WLS: variants seen among roughly 807,000 people sequenced by gnomAD.
WLS encodes protein wntless homolog.
A neutral mutation model predicts 62.8 loss-of-function variants in WLS; 23 were observed. The ratio of observed to expected loss-of-function variants is 0.37; its 90% CI spans 0.26 to 0.52. WLS has a LOEUF of 0.52. Ranked by LOEUF, WLS falls within the 20% of genes least tolerant of loss-of-function variation. WLS has a pLI of 0.92. For synonymous variants in WLS, 246 were observed against 244.1 expected (o/e 1.01, Z -0.07); for missense variants, 615 against 697.3 (o/e 0.88, Z 1.33).
rs33982774 is a variant in WLS, at chr1:68,118,875, CAAAAAAAAAAAA to C, written c.1510+18893_1510+18904del. Among the ~76,000 whole-genome samples, 42 of 26,394 alleles carry C rather than the reference CAAAAAAAAAAAA, an allele frequency of 1.6e-3. 1 individual carries two copies. The East Asian group carries it at 0.084, about 53-fold the overall frequency. The allele number at this position is 26,394 out of a possible 152,430, so 17.3% of individuals were successfully genotyped here. A position where few individuals can be genotyped will look rare whatever the true frequency, so the allele number is the denominator to read the frequency against. On this transcript the variant is annotated intron_variant, in intron 11 of 11. Transcript: ENST00000354777. ...CTGGGTGACGAGCAAGACTCTGTCT[CAAAAAAAAAAAA>C]AAAAAAAAAAAAAAAGCACCTGGCC...
At chr1:68,231,541 T>TCCCAC (rs1441575750) in intron 1 of WLS, 1 of 292,164 alleles carries the variant, frequency 3.4e-6, no homozygotes, top group African/African-American at 2.3e-5. Context: ...AAGGACTCCC[T>TCCCAC]CCCACCCCAC....
rs541185896 is a variant in WLS, at chr1:68,171,483, C to A, written c.380-12236G>T. 4.3e-3 allele frequency among the ~76,000 whole-genome samples: 651 copies of A among 152,076 alleles called. 8 individuals carry two copies. Among genetic ancestry groups the A allele is most frequent in the African/African-American group, 0.015 (626 of 41,476 alleles). On this transcript the variant is annotated intron_variant, in intron 2 of 11. Coordinates refer to ENST00000262348, the MANE Select transcript of WLS (RefSeq NM_024911.7). ...ATTTACAAGAAAAAAAAACAAAAAA[C>A]CCCATCAAAAAGTGGGTGAAGGATA...
At chr1:68,131,619 GAGA>G (rs1646526335) in intron 11 of WLS, among the ~76,000 whole-genome samples, 1 of 152,114 alleles carries the variant, frequency 6.6e-6, no homozygotes, top group African/African-American at 2.4e-5. Flanking sequence ...CTGCAAGTGG[GAGA>G]AGAACACAAT....
At chr1:68,157,326 C>A (rs12090994) in intron 3 of WLS, among the ~76,000 whole-genome samples, 5,945 of 152,320 alleles carry the variant, frequency 0.039, 140 homozygotes, top group Middle Eastern at 0.095. Context: ...ACACCCTTGA[C>A]ACAAATTTAC....
chr1:68,231,909 C>G (rs1650445808), intron 1 of WLS: 1 of 486,610 alleles, frequency 2.1e-6, no homozygotes, highest in African/African-American at 2.0e-5. Flanking sequence ...CTTCCTCGCG[C>G]GATCCGTCGC....
intron 2 of WLS, among the ~76,000 whole-genome samples, chr1:68,189,138 G>A (rs778944848): frequency 6.6e-6 from 1 of 152,162 alleles, no homozygotes; most frequent in South Asian, 2.1e-4. Context: ...CCCTGCTCCT[G>A]CCTGTTAGTC....
chr1:68,127,217 CA>C (rs1320918704), intron 11 of WLS: 1 of 228,810 alleles, frequency 4.4e-6, no homozygotes, highest in Non-Finnish European at 9.1e-6. Flanking sequence ...AAATAAACTA[CA>C]AAGCATCTAT....
At chr1:68,168,799 A>G (rs1044080035) in intron 2 of WLS, among the ~76,000 whole-genome samples, 1 of 152,122 alleles carries the variant, frequency 6.6e-6, no homozygotes, top group Non-Finnish European at 1.5e-5. Context: ...TATAATCTGG[A>G]GTTATTTATG....
chr1:68,226,455 A>T (rs1273543418), intron 1 of WLS, among the ~76,000 whole-genome samples: 1 of 152,234 alleles, frequency 6.6e-6, no homozygotes, highest in Non-Finnish European at 1.5e-5. Context: ...CATTCAATAC[A>T]TGTTAAACAT....
chr1:68,165,036 T>C (rs550222961), intron 2 of WLS, among the ~76,000 whole-genome samples: 8 of 152,268 alleles, frequency 5.3e-5, no homozygotes, highest in East Asian at 3.9e-4. Context: ...AGAGCTCCCA[T>C]GGAGTCAAAT....
chr1:68,163,532 C>G (rs1050801677), intron 2 of WLS, among the ~76,000 whole-genome samples: 2 of 151,918 alleles, frequency 1.3e-5, no homozygotes, highest in Non-Finnish European at 2.9e-5. Flanking sequence ...CACAGGGACA[C>G]ACAACACAAA....
At chr1:68,196,204 C>T (rs1404482456) in intron 1 of WLS, among the ~76,000 whole-genome samples, 3 of 151,356 alleles carry the variant, frequency 2.0e-5, no homozygotes, top group Admixed American at 1.3e-4. Flanking sequence ...AGCATCCTTC[C>T]CCAGCGTTTA....
At chr1:68,182,549 A>G (rs1647649318) in intron 2 of WLS, among the ~76,000 whole-genome samples, 2 of 152,216 alleles carry the variant, frequency 1.3e-5, no homozygotes, top group South Asian at 4.1e-4. Context: ...TCAGTAAGTA[A>G]AACTGATTCA....
At chr1:68,194,457 GA>G (rs938064162) in intron 1 of WLS, among the ~76,000 whole-genome samples, 4 of 152,128 alleles carry the variant, frequency 2.6e-5, no homozygotes, top group Admixed American at 6.6e-5. Context: ...CAATTGCTGT[GA>G]AAGAATACAT....
chr1:68,110,745 G>A (rs1320717365), intron 11 of WLS, among the ~76,000 whole-genome samples: 4 of 44,150 alleles, frequency 9.1e-5, no homozygotes, highest in Non-Finnish European at 6.6e-5. Context: ...ATATATATGT[G>A]TGTATATATA....
At chr1:68,134,362 G>A (rs916905245) in intron 11 of WLS, among the ~76,000 whole-genome samples, 1 of 152,176 alleles carries the variant, frequency 6.6e-6, no homozygotes, top group African/African-American at 2.4e-5. Context: ...CACCATGCAG[G>A]AAAGGGAAGG....
intron 3 of WLS, among the ~76,000 whole-genome samples, 165 bp from the exon 4 acceptor site, chr1:68,155,425 A>C (rs761802898): frequency 2.0e-5 from 3 of 152,186 alleles, no homozygotes; most frequent in Non-Finnish European, 4.4e-5. Context: ...GCGTCTACCC[A>C]GCTATCCCAA....
intron 11 of WLS, among the ~76,000 whole-genome samples, chr1:68,134,618 A>C (rs1197130653): frequency 6.6e-6 from 1 of 152,210 alleles, no homozygotes; most frequent in Admixed American, 6.5e-5. Context: ...GCACCCCTAG[A>C]ATCTGGACAC....
At chr1:68,227,430 A>G (rs1650204386) in intron 1 of WLS, among the ~76,000 whole-genome samples, 1 of 150,290 alleles carries the variant, frequency 6.7e-6, no homozygotes, top group African/African-American at 2.4e-5. Flanking sequence ...AAAAAAGAGC[A>G]ATTAGAGATT....
Sources: gnomAD v4.1 joint callset for allele counts (sites outside exome capture counted in the v4.1 genomes callset) on GRCh38, gnomAD v4.1.1 for gene constraint, MANE v1.5 for transcripts, NCBI Gene and HGNC (gene_info 2026-07-23, HGNC 2026-07-21) for gene names.